The following HS6ST3 variants were observed in gnomAD, a reference collection of about 807,000 sequenced individuals.
The protein encoded by HS6ST3 is heparan-sulfate 6-O-sulfotransferase 3.
Under a neutral mutation model 36.7 loss-of-function variants are expected in HS6ST3, and 12 were observed. The ratio of observed to expected loss-of-function variants is 0.33; its 90% CI spans 0.21 to 0.53. The LOEUF is 0.53. HS6ST3 is among the 20% of genes least tolerant of loss of function. The pLI is 0.95. For synonymous variants in HS6ST3, 240 were observed against 257.5 expected (o/e 0.93, Z 0.65); for missense variants, 584 against 640.9 (o/e 0.91, Z 0.96).
At chr13:96,675,044 G>T (rs1276610891) in intron 1 of HS6ST3, among the ~76,000 whole-genome samples, 1 of 152,068 alleles carries the variant, frequency 6.6e-6, no homozygotes, top group Non-Finnish European at 1.5e-5. Flanking sequence ...GCTGTGCTGT[G>T]CTCAGTCTAA....
intron 1 of HS6ST3, among the ~76,000 whole-genome samples, chr13:96,825,152 A>G (rs1878622701): frequency 6.6e-6 from 1 of 152,130 alleles, no homozygotes; most frequent in Admixed American, 6.5e-5. Context: ...GCTTTGCTTT[A>G]TGAGGGTTAA....
intron 1 of HS6ST3, among the ~76,000 whole-genome samples, chr13:96,361,893 T>C (rs2055240339): frequency 6.6e-6 from 1 of 152,198 alleles, no homozygotes; most frequent in African/African-American, 2.4e-5. Flanking sequence ...ATTTTCTAGA[T>C]CAGTGGTTCT....
chr13:96,626,256 A>C (rs1238151846), intron 1 of HS6ST3, among the ~76,000 whole-genome samples: 3 of 152,178 alleles, frequency 2.0e-5, no homozygotes, highest in African/African-American at 7.2e-5. Context: ...CTATAAAAAT[A>C]TTCTCCTATA....
At chr13:96,774,973 C>T (rs1877351896) in intron 1 of HS6ST3, among the ~76,000 whole-genome samples, 1 of 152,182 alleles carries the variant, frequency 6.6e-6, no homozygotes, top group African/African-American at 2.4e-5. Flanking sequence ...ACCAGACTAA[C>T]AGTGGATCTC....
chr13:96,273,183 G>A (rs1309899013), intron 1 of HS6ST3, among the ~76,000 whole-genome samples: 2 of 151,942 alleles, frequency 1.3e-5, no homozygotes, highest in African/African-American at 4.8e-5. Flanking sequence ...CAAGTTCTTG[G>A]CCTTCTGGGT....
At chr13:96,821,434 G>A (rs1040352400) in intron 1 of HS6ST3, among the ~76,000 whole-genome samples, 1 of 152,214 alleles carries the variant, frequency 6.6e-6, no homozygotes, top group Non-Finnish European at 1.5e-5. Flanking sequence ...GATGATGGAA[G>A]AAACTGCCAA....
chr13:96,282,597 T>G (rs1378568989), intron 1 of HS6ST3, among the ~76,000 whole-genome samples: 1 of 152,212 alleles, frequency 6.6e-6, no homozygotes. Context: ...AATATCTCAT[T>G]AAAATATTTA....
intron 1 of HS6ST3, among the ~76,000 whole-genome samples, chr13:96,678,173 T>C (rs1274891765): frequency 6.6e-6 from 1 of 152,070 alleles, no homozygotes; most frequent in Non-Finnish European, 1.5e-5. Flanking sequence ...AAAATATAAA[T>C]GTAATAAACT....
At chr13:96,720,761 G>T (rs1361461466) in intron 1 of HS6ST3, among the ~76,000 whole-genome samples, 4 of 152,158 alleles carry the variant, frequency 2.6e-5, no homozygotes, top group Non-Finnish European at 4.4e-5. Flanking sequence ...TATAATCCTT[G>T]TATCTTGATA....
intron 1 of HS6ST3, among the ~76,000 whole-genome samples, chr13:96,283,337 A>G (rs1049507958): frequency 6.6e-6 from 1 of 152,164 alleles, no homozygotes; most frequent in African/African-American, 2.4e-5. Context: ...TCCCAGCAAA[A>G]GCTGTTATTT....
intron 1 of HS6ST3, among the ~76,000 whole-genome samples, chr13:96,618,098 C>G (rs1475071966): frequency 6.6e-6 from 1 of 152,026 alleles, no homozygotes; most frequent in African/African-American, 2.4e-5. Context: ...GCCTCAGGTT[C>G]TTTTGTTTGT....
chr13:96,253,372 C>T (rs1326517780), intron 1 of HS6ST3, among the ~76,000 whole-genome samples: 1 of 152,104 alleles, frequency 6.6e-6, no homozygotes, highest in Non-Finnish European at 1.5e-5. Context: ...CGCTTTTCCC[C>T]ATGGAAGAAA....
At chr13:96,401,684 C>T (rs2055452161) in intron 1 of HS6ST3, among the ~76,000 whole-genome samples, 1 of 152,258 alleles carries the variant, frequency 6.6e-6, no homozygotes, top group Admixed American at 6.5e-5. Context: ...AAGCCATTCT[C>T]CTGCCTCAGC....
intron 1 of HS6ST3, among the ~76,000 whole-genome samples, chr13:96,690,842 C>T (rs1200782877): frequency 6.6e-6 from 1 of 152,048 alleles, no homozygotes; most frequent in Admixed American, 6.6e-5. Context: ...TTATTCTTCT[C>T]ATTGTCACTG....
intron 1 of HS6ST3, among the ~76,000 whole-genome samples, chr13:96,290,318 A>G (rs2054823423): frequency 6.6e-6 from 1 of 152,096 alleles, no homozygotes; most frequent in African/African-American, 2.4e-5. Context: ...TGTGGTGTTA[A>G]TGGGTTCAAT....
intron 1 of HS6ST3, among the ~76,000 whole-genome samples, chr13:96,394,546 C>G (rs1452040911): frequency 6.6e-6 from 1 of 152,120 alleles, no homozygotes; most frequent in Admixed American, 6.6e-5. Context: ...AAAGCAATAC[C>G]TAGCATTCGA....
intron 1 of HS6ST3, among the ~76,000 whole-genome samples, chr13:96,387,785 T>G (rs1222097914): frequency 6.6e-6 from 1 of 152,214 alleles, no homozygotes; most frequent in Admixed American, 6.5e-5. Context: ...CTTTATTTAT[T>G]TATTTGGGAT....
intron 1 of HS6ST3, among the ~76,000 whole-genome samples, chr13:96,217,924 C>T (rs768135274): frequency 6.6e-6 from 1 of 152,106 alleles, no homozygotes; most frequent in Non-Finnish European, 1.5e-5. Context: ...TTGCCCATCT[C>T]ATTTACTGCT....
intron 1 of HS6ST3, among the ~76,000 whole-genome samples, chr13:96,131,944 T>C (rs2053977942): frequency 6.6e-6 from 1 of 152,138 alleles, no homozygotes; most frequent in Non-Finnish European, 1.5e-5. Flanking sequence ...ACTCTACTTT[T>C]TATAAAACAT....
Sources: allele counts gnomAD v4.1 joint callset (sites outside exome capture counted in the v4.1 genomes callset), GRCh38; gene constraint gnomAD v4.1.1; transcripts MANE v1.5; gene names NCBI Gene and HGNC (gene_info 2026-07-23, HGNC 2026-07-21).